Variants in UGT1A6 observed in about 807,000 individuals in gnomAD.
UGT1A6 encodes UDP glucuronosyltransferase family 1 member A6, also known as UDP-glucuronosyltransferase 1A6.
In UGT1A6, 32 loss-of-function variants were observed where a neutral mutation model predicts 44.4. The ratio of observed to expected loss-of-function variants is 0.72; its 90% CI spans 0.54 to 0.97. The LOEUF (loss-of-function observed/expected upper bound fraction) is 0.97, where lower values mean the gene tolerates loss of function less well. Among genes scored for constraint, UGT1A6 ranks in the 50% least tolerant of loss-of-function variants. The probability of loss-of-function intolerance (pLI) is 0.00; values close to 1 mark genes in which losing one functional copy is unlikely to be tolerated. For missense variants in UGT1A6, 685 were observed against 661.9 expected (o/e 1.03, Z -0.38); for synonymous variants, 238 against 248.5 (o/e 0.96, Z 0.40).
chr2:233,699,260 A>G (rs1470391564), intron 1 of UGT1A6, among the ~76,000 whole-genome samples: 2 of 151,766 alleles, frequency 1.3e-5, no homozygotes, highest in African/African-American at 4.8e-5. Flanking sequence ...TCCTCTTCCT[A>G]TAGGGGCTTG....
At chr2:233,772,116 AAAC>A (rs1252124628) in intron 4 of UGT1A6, 143 bp from the exon 5 acceptor site, 49 of 1,530,818 alleles carry the variant, frequency 3.2e-5, no homozygotes, top group Middle Eastern at 2.3e-4. Context: ...CTGTATCTAA[AAAC>A]AACAACAACA....
Position 233,736,651 on chromosome 2 carries a change from G to A in UGT1A6, c.862-30383G>A, listed in dbSNP as rs2078789354. Reference sequence around the variant, plus strand: ...GCTCTAGTTTCCCCCCATCTTTGTGGTTTTATGTACCTTAGGTCTTTGATG... The same window carrying A: ...GCTCTAGTTTCCCCCCATCTTTGTGATTTTATGTACCTTAGGTCTTTGATG... On this transcript the variant is annotated intron_variant, in intron 1 of 4. Transcript: ENST00000305139. Among the ~76,000 whole-genome samples the A allele has an allele frequency of 2.0e-5, 3 of 152,328 alleles. No individual in the cohort carries two copies. The South Asian group carries it at 6.2e-4, about 32-fold the overall frequency.
intron 1 of UGT1A6, chr2:233,742,967 A>G (rs764495397): frequency 2.3e-5 from 5 of 219,774 alleles, no homozygotes; most frequent in African/African-American, 4.7e-5. Context: ...TGTCTGCCTC[A>G]GGCTTAAGTT....
intron 1 of UGT1A6, among the ~76,000 whole-genome samples, chr2:233,730,180 A>C (rs1264603007): frequency 3.9e-5 from 6 of 152,190 alleles, no homozygotes; most frequent in South Asian, 2.1e-4. Flanking sequence ...TCAGGTTTTA[A>C]ATGGTCACTG....
rs267599271 is a variant in UGT1A6, at chr2:233,713,125, G to A, written c.861+19260G>A. On this transcript the variant is annotated intron_variant, in intron 1 of 4. Transcript: ENST00000305139. ...GATGGCAGCCACTGGCTCAGCATGC[G>A]GGAGGCCTTGCGGGACCTCCATGCG... 5.5e-5 allele frequency: 89 copies of A among 1,614,190 alleles called. No homozygotes were observed. Among genetic ancestry groups the A allele is most frequent in the Admixed American group, 3.2e-4 (19 of 60,030 alleles).
intron 1 of UGT1A6, among the ~76,000 whole-genome samples, chr2:233,716,212 C>A (rs1384264157): frequency 6.6e-6 from 1 of 152,184 alleles, no homozygotes; most frequent in African/African-American, 2.4e-5. Flanking sequence ...CTTTCACTTG[C>A]AAGAGCCCTT....
At chr2:233,719,313 C>CT (rs1559364649) in intron 1 of UGT1A6, 6 of 1,613,954 alleles carry the variant, frequency 3.7e-6, no homozygotes, top group Non-Finnish European at 5.1e-6. Flanking sequence ...GGCTAAGTAC[C>CT]TGTCGATTCC....
Position 233,733,630 on chromosome 2 carries a change from C to A in UGT1A6, c.862-33404C>A, listed in dbSNP as rs2078422347. 1.3e-5 allele frequency among the ~76,000 whole-genome samples: 2 copies of A among 152,174 alleles called. 1 individual carries two copies. The highest frequency in any genetic ancestry group is 4.2e-4 in the South Asian group (2 of 4,816). On this transcript the variant is annotated intron_variant, in intron 1 of 4. Transcript: ENST00000305139. ...CATTTATTGATTTGCATATGTTGAA[C>A]CAGCCTTGCATCCCAAGGATGAAGC...
Position 233,754,628 on chromosome 2 carries a change from C to T in UGT1A6, c.862-12406C>T, listed in dbSNP as rs183484892. ...ACTCTCCATCTTCCTCCACTTCCAC[C>T]CTTTCTTGGCCATTCTCAATGATTC... On this transcript the variant is annotated intron_variant, in intron 1 of 4. Coordinates refer to ENST00000305139, the MANE Select transcript of UGT1A6 (RefSeq NM_001072.4). The T allele has an allele frequency of 4.7e-3, 2,102 of 443,188 alleles. 38 individuals are homozygous for T. The highest frequency in any genetic ancestry group is 0.023 in the South Asian group (1,446 of 63,040). 27.5% of individuals were successfully genotyped at this position (443,188 alleles called of 1,614,324 possible). A position where few individuals can be genotyped will look rare whatever the true frequency, so the allele number is the denominator to read the frequency against.
rs559752141 is a variant in UGT1A6 at position 233,711,434 on chromosome 2, T to C, written c.861+17569T>C. Among the ~76,000 whole-genome samples, 238 of 152,294 alleles carry C rather than the reference T, an allele frequency of 1.6e-3. 2 individuals are homozygous for C. The highest frequency in any genetic ancestry group is 5.3e-3 in the African/African-American group (222 of 41,578). ...TCATCAGGAGGGTGCTTAGGATGCA[T>C]ACAGTTTTAAGGGGGTTGGAGGAAT... On this transcript the variant is annotated intron_variant, in intron 1 of 4. Coordinates refer to ENST00000305139, the MANE Select transcript of UGT1A6 (RefSeq NM_001072.4).
chr2:233,693,627 G>A lies in UGT1A6; in HGVS notation c.623G>A (p.Arg208Gln), dbSNP rs1434633397. The change falls in exon 1 of 5, where the codon CGA becomes CAA. Residue 208 changes from arginine to glutamine, a missense_variant. By Grantham distance (43) the Arg-to-Gln change is conservative. Transcript: ENST00000305139. The part of the protein sequence containing the change: ...KFSDHMTFSQ[R>Q]VANFLVNLLE... ...TCAGACCACATGACTTTTTCCCAAC[G>A]AGTGGCCAACTTCCTTGTTAATTTG... is the stretch of plus-strand genomic sequence containing the variant. 2.5e-6 allele frequency: 4 copies of A among 1,614,066 alleles called. No homozygotes were observed. The highest frequency in any genetic ancestry group is 1.7e-5 in the Admixed American group (1 of 60,010).
chr2:233,743,538 C>T, intron 1 of UGT1A6: 1 of 1,367,252 alleles, frequency 7.3e-7, no homozygotes, highest in Non-Finnish European at 9.8e-7. Flanking sequence ...AGCAGTTCCT[C>T]TGACCCCCCC....
Position 233,772,413 on chromosome 2 carries a change from T to G in UGT1A6, c.1453T>G (p.Tyr485Asp), listed in dbSNP as rs34993780. 159 of 1,614,182 alleles carry G rather than the reference T, an allele frequency of 9.9e-5. No homozygotes were observed. In the East Asian group the frequency reaches 2.1e-3, roughly 21 times the overall value. Reference sequence around the variant, plus strand: ...AGCCCACGACCTCACCTGGTACCAGTACCATTCCTTGGACGTGATTGGTTT... The same window carrying G: ...AGCCCACGACCTCACCTGGTACCAGGACCATTCCTTGGACGTGATTGGTTT... ...PAAHDLTWYQ[Y>D]HSLDVIGFLL... The change falls in exon 5 of 5, where the codon TAC becomes GAC. Residue 485 changes from tyrosine to aspartate, a missense_variant. By Grantham distance (160) the Tyr-to-Asp change is radical (BLOSUM62 -3). Transcript: ENST00000305139.
chr2:233,713,507 C>T (rs113654637), intron 1 of UGT1A6: 65 of 1,613,816 alleles, frequency 4.0e-5, no homozygotes, highest in Admixed American at 2.7e-4. Context: ...CTGTGTTTTT[C>T]TTGAGGAACA....
Position 233,693,521 on chromosome 2 carries a change from G to T in UGT1A6, c.517G>T (p.Gly173Cys), listed in dbSNP as rs563235726. The T allele has an allele frequency of 4.3e-6, 7 of 1,614,156 alleles. No individual in the cohort carries two copies. The highest frequency in any genetic ancestry group is 1.7e-5 in the Admixed American group (1 of 60,022). Reference protein sequence around the residue: ...LGLPSVYLFRGFPCSLEHTFS... With the variant: ...LGLPSVYLFRCFPCSLEHTFS... Reference sequence around the variant, plus strand: ...CCTACCATCTGTGTACCTCTTCAGGGGTTTTCCGTGTTCCCTGGAGCATAC... The same window carrying T: ...CCTACCATCTGTGTACCTCTTCAGGTGTTTTCCGTGTTCCCTGGAGCATAC... Residue 173 changes from glycine to cysteine, a missense_variant, in exon 1 of 5, where the codon GGT becomes TGT. Physicochemically the swap from Gly to Cys is radical, Grantham distance 159. Coordinates refer to ENST00000305139, the MANE Select transcript of UGT1A6 (RefSeq NM_001072.4).
intron 4 of UGT1A6, chr2:233,771,362 C>T (rs1186329971): frequency 6.6e-6 from 1 of 152,076 alleles, no homozygotes; most frequent in African/African-American, 2.4e-5. Context: ...GTTGAAGCAC[C>T]TAACCCGTTT....
chr2:233,754,057 T>C (rs1403033410), intron 1 of UGT1A6, among the ~76,000 whole-genome samples: 1 of 152,246 alleles, frequency 6.6e-6, no homozygotes, highest in Admixed American at 6.5e-5. Flanking sequence ...TTACCTGCTT[T>C]TATAAAGCCT....
At chr2:233,743,412 T>C (rs1692284250) in intron 1 of UGT1A6, 48 of 1,321,888 alleles carry the variant, frequency 3.6e-5, no homozygotes, top group Non-Finnish European at 4.8e-5. Flanking sequence ...GGCCCCCACT[T>C]CCCAGGGAGC....
rs774409308 is a variant in UGT1A6, at chr2:233,719,538, CAG to C, written c.861+25680_861+25681del. 13 of 1,613,912 alleles carry C rather than the reference CAG, an allele frequency of 8.1e-6. No individual in the cohort carries two copies. In the South Asian group the frequency reaches 9.9e-5, roughly 12 times the overall value. ...TGCAAGTCTTGCCTCTGAGCTTTTT[CAG>C]AGAGAGGTGTCAGTGGTGGATCTTG... On this transcript the variant is annotated intron_variant, in intron 1 of 4. Coordinates refer to ENST00000305139, the MANE Select transcript of UGT1A6 (RefSeq NM_001072.4).
Sources: allele counts gnomAD v4.1 joint callset (sites outside exome capture counted in the v4.1 genomes callset), GRCh38; gene constraint gnomAD v4.1.1; transcripts MANE v1.5; gene names NCBI Gene and HGNC (gene_info 2026-07-23, HGNC 2026-07-21).